LINGO2: variants seen among roughly 807,000 people sequenced by gnomAD.
The protein encoded by LINGO2 is leucine rich repeat and Ig domain containing 2, also known as leucine-rich repeat and immunoglobulin-like domain-containing nogo receptor-interacting protein 2.
A neutral mutation model predicts 30.6 loss-of-function variants in LINGO2; 14 were observed. That is an observed-to-expected ratio of 0.46 (90% confidence interval 0.30 to 0.72). The LOEUF (loss-of-function observed/expected upper bound fraction) is 0.72. Ranked by LOEUF, LINGO2 falls within the 30% of genes least tolerant of loss-of-function variation. The pLI is 0.07. For synonymous variants in LINGO2, 317 were observed against 288.5 expected, an observed-to-expected ratio of 1.10 and a Z score of -1.00; for missense variants, 729 against 751.7, an observed-to-expected ratio of 0.97 and a Z score of 0.35.
At chr9:28,992,677 G>T in the LINGO2 span, among the ~76,000 whole-genome samples, 23 of 152,078 alleles carry the variant, frequency 1.5e-4, no homozygotes, top group African/African-American at 5.3e-4. Flanking sequence ...TCAGACCACA[G>T]TGCAATCAAA....
chr9:27,990,634 G>GA (rs938112394), intron 5 of LINGO2, among the ~76,000 whole-genome samples: 35 of 152,064 alleles, frequency 2.3e-4, no homozygotes, highest in African/African-American at 7.5e-4. Flanking sequence ...CCTGTGGGGA[G>GA]AAAAAATACC....
chr9:28,635,882 G>C (rs1001503911), intron 1 of LINGO2, among the ~76,000 whole-genome samples: 7 of 152,108 alleles, frequency 4.6e-5, no homozygotes, highest in Non-Finnish European at 1.0e-4. Flanking sequence ...GTACAGGTTT[G>C]TTAAATATGT....
intron 3 of LINGO2, among the ~76,000 whole-genome samples, chr9:28,336,900 A>G (rs2134370034): frequency 6.6e-6 from 1 of 152,092 alleles, no homozygotes; most frequent in African/African-American, 2.4e-5. Context: ...AATCACAAAG[A>G]CAATTTTGAG....
At chr9:28,848,728 A>C in the LINGO2 span, among the ~76,000 whole-genome samples, 1 of 151,680 alleles carries the variant, frequency 6.6e-6, no homozygotes, top group Admixed American at 6.6e-5. Context: ...GTTTATTTGA[A>C]CAGGGTGAAA....
In LINGO2 at chr9:28,590,352, A is replaced by G. The variant is rs924082049; in HGVS notation, c.-365+79848T>C. On this transcript the variant is annotated intron_variant, in intron 1 of 5. Coordinates refer to ENST00000379992, the Ensembl canonical transcript of LINGO2. ...CTTCTGCACAGCAAAAGAAACTACCATCAGAGTGAACAGGCAACCTACAGA... is the reference window on the plus strand; with the variant it reads ...CTTCTGCACAGCAAAAGAAACTACCGTCAGAGTGAACAGGCAACCTACAGA... Among the ~76,000 whole-genome samples the G allele has an allele frequency of 1.9e-3, 287 of 152,256 alleles. 2 individuals carry two copies. Among genetic ancestry groups the G allele is most frequent in the South Asian group, 1.0e-3 (5 of 4,830 alleles).
intron 2 of LINGO2, among the ~76,000 whole-genome samples, chr9:28,384,117 GTTAT>G (rs1388983020): frequency 2.7e-5 from 4 of 147,530 alleles, no homozygotes; most frequent in Admixed American, 6.6e-5. Context: ...TATCATAATA[GTTAT>G]TTATTTTAGA....
At chr9:28,296,340 C>T (rs528957131) in intron 3 of LINGO2, among the ~76,000 whole-genome samples, 8 of 152,164 alleles carry the variant, frequency 5.3e-5, no homozygotes, top group African/African-American at 1.9e-4. Context: ...CTATAACAAC[C>T]ATATTTAGTA....
intron 4 of LINGO2, among the ~76,000 whole-genome samples, chr9:28,037,947 A>C (rs1184533887): frequency 1.3e-5 from 2 of 152,208 alleles, no homozygotes; most frequent in Admixed American, 6.5e-5. Context: ...CCCTTTAGAT[A>C]AGGAAGCTGA....
chr9:28,336,342 G>A (rs1221738803), intron 3 of LINGO2, among the ~76,000 whole-genome samples: 1 of 152,086 alleles, frequency 6.6e-6, no homozygotes, highest in Non-Finnish European at 1.5e-5. Context: ...GGATTTGGAA[G>A]TATTTCCCCT....
the LINGO2 span, among the ~76,000 whole-genome samples, chr9:28,808,888 T>C: frequency 2.6e-5 from 4 of 152,102 alleles, no homozygotes; most frequent in Admixed American, 6.5e-5. Flanking sequence ...TTTTCTTAGG[T>C]GACAAGAACA....
the LINGO2 span, among the ~76,000 whole-genome samples, chr9:28,928,897 G>A: frequency 1.3e-5 from 2 of 152,248 alleles, no homozygotes; most frequent in East Asian, 3.9e-4. Context: ...GGGGTTTCAG[G>A]AGGCAGCTTG....
the LINGO2 span, among the ~76,000 whole-genome samples, chr9:28,953,716 A>T: frequency 2.0e-5 from 3 of 152,066 alleles, no homozygotes; most frequent in African/African-American, 7.2e-5. Flanking sequence ...AAAGAAAGAG[A>T]TTTTTACTGC....
the LINGO2 span, among the ~76,000 whole-genome samples, chr9:28,754,282 T>G: frequency 6.6e-6 from 1 of 152,056 alleles, no homozygotes; most frequent in African/African-American, 2.4e-5. Flanking sequence ...TTCATCTGGA[T>G]AAATATCTTG....
intron 2 of LINGO2, among the ~76,000 whole-genome samples, chr9:28,393,981 A>G (rs574189303): frequency 7.0e-6 from 1 of 143,096 alleles, no homozygotes; most frequent in Admixed American, 7.2e-5. Flanking sequence ...AAGTTGGTTG[A>G]TAACTTGTAC....
intron 4 of LINGO2, among the ~76,000 whole-genome samples, chr9:28,028,357 TCTAC>T (rs1017252464): frequency 2.6e-4 from 40 of 152,158 alleles, no homozygotes; most frequent in Admixed American, 1.4e-3. Flanking sequence ...TTCAAGCTGC[TCTAC>T]CTGTCATAGC....
chr9:28,439,790 A>G (rs920139911), intron 2 of LINGO2, among the ~76,000 whole-genome samples: 3 of 152,124 alleles, frequency 2.0e-5, no homozygotes, highest in Non-Finnish European at 4.4e-5. Flanking sequence ...CAGTTTGAAA[A>G]TGGATTAATA....
At chr9:28,523,698 A>T (rs1820910758) in intron 1 of LINGO2, among the ~76,000 whole-genome samples, 1 of 152,196 alleles carries the variant, frequency 6.6e-6, no homozygotes, top group Admixed American at 6.5e-5. Flanking sequence ...TTTAAAAATA[A>T]ACAGATATAA....
At chr9:29,129,442 C>A in the LINGO2 span, among the ~76,000 whole-genome samples, 1 of 151,850 alleles carries the variant, frequency 6.6e-6, no homozygotes, top group Non-Finnish European at 1.5e-5. Context: ...AGGTCATTTC[C>A]CTTAAGAAAG....
chr9:28,053,497 A>G (rs1405516692), intron 4 of LINGO2, among the ~76,000 whole-genome samples: 1 of 152,132 alleles, frequency 6.6e-6, no homozygotes, highest in Non-Finnish European at 1.5e-5. Context: ...ATAGAAACTG[A>G]ATCTGAAGCC....
Sources: gnomAD v4.1 joint callset for allele counts (sites outside exome capture counted in the v4.1 genomes callset) on GRCh38, gnomAD v4.1.1 for gene constraint, MANE v1.5 for transcripts, NCBI Gene and HGNC (gene_info 2026-07-23, HGNC 2026-07-21) for gene names.